Variants in CNTNAP5 observed in about 807,000 individuals in gnomAD.
The protein encoded by CNTNAP5 is contactin associated protein family member 5, also known as contactin-associated protein-like 5.
Under a neutral mutation model 150.2 loss-of-function variants are expected in CNTNAP5, and 72 were observed. That is an observed-to-expected ratio of 0.48 (90% CI 0.40 to 0.58). The LOEUF is 0.58. Among genes scored for constraint, CNTNAP5 ranks in the 20% least tolerant of loss-of-function variants. The pLI is 0.00. For missense variants in CNTNAP5, 1,636 were observed against 1,626.2 expected, an observed-to-expected ratio of 1.01 and a Z score of -0.10; for synonymous variants, 672 against 619.8, an observed-to-expected ratio of 1.08 and a Z score of -1.25.
In CNTNAP5 at chr2:124,099,489, A is replaced by G. The variant is rs573584579; in HGVS notation, c.82+73757A>G. 5.9e-5 allele frequency among the ~76,000 whole-genome samples: 9 copies of G among 152,356 alleles called. No individual in the cohort carries two copies. The South Asian group carries it at 1.9e-3, about 32-fold the overall frequency. ...TGCACAGGCTGTGTCAAAAAGTGAC[A>G]GTTGGCATTGTGTATCAGACCCTGG... On this transcript the variant is annotated intron_variant, in intron 1 of 23. Coordinates refer to ENST00000682447, the MANE Select transcript of CNTNAP5 (RefSeq NM_001367498.1).
chr2:124,499,362 T>C (rs1345272606), intron 7 of CNTNAP5, among the ~76,000 whole-genome samples: 1 of 152,114 alleles, frequency 6.6e-6, no homozygotes, highest in African/African-American at 2.4e-5. Context: ...TGTAAGCCCA[T>C]GGAGAAGGCA....
At chr2:124,206,667 C>T (rs909343783) in intron 1 of CNTNAP5, among the ~76,000 whole-genome samples, 7 of 152,230 alleles carry the variant, frequency 4.6e-5, no homozygotes, top group African/African-American at 2.4e-5. Context: ...CATGGGCCAG[C>T]GGCATCAGAG....
At chr2:124,452,658 C>T (rs974533511) in intron 6 of CNTNAP5, among the ~76,000 whole-genome samples, 1 of 152,154 alleles carries the variant, frequency 6.6e-6, no homozygotes, top group Admixed American at 6.5e-5. Flanking sequence ...CCTGCAACCT[C>T]CACTGGAGCA....
chr2:124,603,780 A>AATAC (rs537661685), intron 11 of CNTNAP5, among the ~76,000 whole-genome samples: 2 of 152,176 alleles, frequency 1.3e-5, no homozygotes, highest in East Asian at 1.9e-4. Context: ...TAGATAAATA[A>AATAC]ATACATACAT....
chr2:124,742,624 A>G (rs1270344252), intron 13 of CNTNAP5, among the ~76,000 whole-genome samples: 2 of 124,536 alleles, frequency 1.6e-5, no homozygotes, highest in Non-Finnish European at 3.8e-5. Context: ...TTACACGCAC[A>G]GACACACACA....
At chr2:124,367,661 C>T (rs931036261) in intron 3 of CNTNAP5, among the ~76,000 whole-genome samples, 2 of 152,168 alleles carry the variant, frequency 1.3e-5, no homozygotes, top group Admixed American at 6.5e-5. Flanking sequence ...CATCTGAATG[C>T]AGTCTGTTGG....
intron 8 of CNTNAP5, among the ~76,000 whole-genome samples, chr2:124,520,452 A>C (rs1286904126): frequency 6.6e-6 from 1 of 152,208 alleles, no homozygotes; most frequent in Non-Finnish European, 1.5e-5. Flanking sequence ...TTCCAGAAAG[A>C]ATGTGCAAAT....
chr2:124,569,542 G>A (rs1696104005), intron 11 of CNTNAP5, among the ~76,000 whole-genome samples: 1 of 152,138 alleles, frequency 6.6e-6, no homozygotes, highest in Non-Finnish European at 1.5e-5. Flanking sequence ...AGTGATTACT[G>A]TCACATTGAA....
chr2:124,622,048 C>T (rs922378028), intron 12 of CNTNAP5, among the ~76,000 whole-genome samples: 1 of 151,994 alleles, frequency 6.6e-6, no homozygotes, highest in Non-Finnish European at 1.5e-5. Context: ...GTTTGCTGCA[C>T]AGATCACCCC....
At chr2:124,380,145 A>G (rs1050207211) in intron 3 of CNTNAP5, among the ~76,000 whole-genome samples, 9 of 152,186 alleles carry the variant, frequency 5.9e-5, no homozygotes, top group Admixed American at 5.9e-4. Flanking sequence ...ATTATTTCAG[A>G]TATCAATAGT....
In CNTNAP5 at chr2:124,094,913, C is replaced by T. The variant is rs144557328; in HGVS notation, c.82+69181C>T. On this transcript the variant is annotated intron_variant, in intron 1 of 23. Transcript: ENST00000682447. ...ACAGGGAAAATCAAAACACTGGGAG[C>T]CACAGAAAGAATCCACCATGGTGGG... is the stretch of plus-strand genomic sequence containing the variant. Among the ~76,000 whole-genome samples the T allele has an allele frequency of 2.3e-4, 35 of 152,254 alleles. No homozygotes were observed. In the East Asian group the frequency reaches 6.0e-3, roughly 26 times the overall value.
chr2:124,675,184 T>C (rs913755387), intron 13 of CNTNAP5, among the ~76,000 whole-genome samples: 1 of 152,120 alleles, frequency 6.6e-6, no homozygotes, highest in East Asian at 1.9e-4. Flanking sequence ...TTTTCTCTTA[T>C]TATTATAAAA....
intron 3 of CNTNAP5, among the ~76,000 whole-genome samples, chr2:124,253,405 T>C (rs937385571): frequency 1.3e-5 from 2 of 152,208 alleles, no homozygotes; most frequent in Non-Finnish European, 2.9e-5. Flanking sequence ...TTCTTATCTA[T>C]AAATTTTGGT....
intron 6 of CNTNAP5, among the ~76,000 whole-genome samples, chr2:124,471,234 C>A (rs188687490): frequency 2.6e-5 from 4 of 151,478 alleles, no homozygotes; most frequent in African/African-American, 9.7e-5. Context: ...GTGCTCTCTT[C>A]GATCTATTTG....
At chr2:124,864,853 T>C (rs905146951) in intron 19 of CNTNAP5, among the ~76,000 whole-genome samples, 1 of 152,156 alleles carries the variant, frequency 6.6e-6, no homozygotes, top group African/African-American at 2.4e-5. Flanking sequence ...CACATTCCCA[T>C]CATGGGCATT....
At chr2:124,539,457 G>C (rs1163883559) in intron 10 of CNTNAP5, among the ~76,000 whole-genome samples, 1 of 152,130 alleles carries the variant, frequency 6.6e-6, no homozygotes, top group East Asian at 1.9e-4. Context: ...TTATTAACTT[G>C]CCTCAAATTG....
At chr2:124,402,852 T>A (rs1558885083) in intron 3 of CNTNAP5, among the ~76,000 whole-genome samples, 1 of 152,156 alleles carries the variant, frequency 6.6e-6, no homozygotes, top group Non-Finnish European at 1.5e-5. Flanking sequence ...CATTTCAGAG[T>A]TCCTCTTAGC....
chr2:124,384,021 A>T (rs1257788701), intron 3 of CNTNAP5, among the ~76,000 whole-genome samples: 1 of 151,964 alleles, frequency 6.6e-6, no homozygotes, highest in Middle Eastern at 3.2e-3. Context: ...TATTTCTCTT[A>T]TTATTGCCCC....
intron 1 of CNTNAP5, among the ~76,000 whole-genome samples, chr2:124,104,391 C>G (rs2104699642): frequency 6.6e-6 from 1 of 152,196 alleles, no homozygotes; most frequent in East Asian, 1.9e-4. Flanking sequence ...TCCACTCACT[C>G]TTGAACATGT....
Sources: gnomAD v4.1 joint callset for allele counts (sites outside exome capture counted in the v4.1 genomes callset) on GRCh38, gnomAD v4.1.1 for gene constraint, MANE v1.5 for transcripts, NCBI Gene and HGNC (gene_info 2026-07-23, HGNC 2026-07-21) for gene names.